BTC: variants seen among roughly 807,000 people sequenced by gnomAD.
BTC encodes the protein probetacellulin.
BTC carries 13 observed loss-of-function variants against 18.1 expected under a neutral mutation model. That is an observed-to-expected ratio of 0.72 (90% CI 0.47 to 1.14). The LOEUF (loss-of-function observed/expected upper bound fraction) is 1.14, where lower values mean the gene tolerates loss of function less well. BTC is among the 50% of genes most tolerant of loss of function. The pLI, the probability that BTC is intolerant of heterozygous loss-of-function variation, is 0.00. For synonymous variants in BTC, 83 were observed against 79.4 expected (o/e 1.05, Z -0.24); for missense variants, 247 against 224.2 (o/e 1.10, Z -0.65).
intron 1 of BTC, among the ~76,000 whole-genome samples, chr4:74,783,497 C>T (rs369419457): frequency 2.1e-4 from 32 of 150,986 alleles, no homozygotes; most frequent in Admixed American, 4.0e-4. Flanking sequence ...GTTTTGGTTA[C>T]GGTAGCCCTG....
chr4:74,747,550 GTA>G (rs1400665751), intron 5 of BTC, among the ~76,000 whole-genome samples: 1 of 152,106 alleles, frequency 6.6e-6, no homozygotes, highest in Non-Finnish European at 1.5e-5. Flanking sequence ...GGGAGACTCA[GTA>G]TACCTTTTCT....
At chr4:74,755,735 C>G in intron 3 of BTC, 124 bp downstream of exon 3, 1 of 864,428 alleles carries the variant, frequency 1.2e-6, no homozygotes, top group Non-Finnish European at 1.8e-6. Flanking sequence ...TGGCTGGGGG[C>G]AGGACCAGGC....
intron 1 of BTC, among the ~76,000 whole-genome samples, chr4:74,785,077 C>A (rs886215504): frequency 1.3e-5 from 2 of 152,010 alleles, no homozygotes; most frequent in Non-Finnish European, 2.9e-5. Flanking sequence ...GGTTGGTAGG[C>A]TATTGATTAC....
Position 74,745,435 on chromosome 4 carries a change from T to C in BTC, c.*1242A>G, listed in dbSNP as rs1724264658. ...GACAGGCACAAGTTGGGGGGCATCT[T>C]CCATCGATTTTTGTAAGTGAACCAC... On this transcript the variant is annotated 3_prime_UTR_variant, in exon 6 of 6. Coordinates refer to ENST00000395743, the MANE Select transcript of BTC (RefSeq NM_001729.4). 6.6e-6 allele frequency: 1 copy of C among 152,224 alleles called. No individual in the cohort carries two copies. Among genetic ancestry groups the C allele is most frequent in the Non-Finnish European group, 1.5e-5 (1 of 68,036 alleles). 9.4% of individuals were successfully genotyped at this position (152,224 alleles called of 1,614,324 possible).
intron 1 of BTC, among the ~76,000 whole-genome samples, chr4:74,782,402 A>G (rs1725355401): frequency 6.6e-6 from 1 of 152,058 alleles, no homozygotes; most frequent in Non-Finnish European, 1.5e-5. Context: ...ATGGCTTCCA[A>G]CTTTTTCATG....
intron 1 of BTC, among the ~76,000 whole-genome samples, chr4:74,776,790 A>G (rs1264745988): frequency 6.6e-6 from 1 of 152,184 alleles, no homozygotes; most frequent in Non-Finnish European, 1.5e-5. Context: ...CCATTTTTAG[A>G]GCCAAGTGCA....
intron 1 of BTC, among the ~76,000 whole-genome samples, chr4:74,771,035 C>T (rs942917396): frequency 3.3e-5 from 5 of 151,608 alleles, no homozygotes; most frequent in African/African-American, 1.2e-4. Context: ...GACGAAAAGG[C>T]ATGGATGAAA....
At chr4:74,769,416 T>C (rs1357626394) in intron 2 of BTC, among the ~76,000 whole-genome samples, 2 of 152,130 alleles carry the variant, frequency 1.3e-5, no homozygotes, top group Non-Finnish European at 2.9e-5. Flanking sequence ...GCCAAGCCTA[T>C]TCATTTGCAT....
chr4:74,765,410 A>C (rs2109894966), intron 2 of BTC, among the ~76,000 whole-genome samples: 1 of 152,290 alleles, frequency 6.6e-6, no homozygotes, highest in African/African-American at 2.4e-5. Flanking sequence ...ACTTAAAGAC[A>C]GATAATTGGA....
intron 1 of BTC, among the ~76,000 whole-genome samples, chr4:74,772,822 C>A (rs1030139469): frequency 7.2e-5 from 11 of 152,174 alleles, no homozygotes; most frequent in African/African-American, 2.4e-4. Context: ...TTCTCACTAT[C>A]ACTTATAATT....
chr4:74,769,882 A>G (rs1724993786), intron 2 of BTC, among the ~76,000 whole-genome samples, 176 bp downstream of exon 2: 1 of 152,152 alleles, frequency 6.6e-6, no homozygotes, highest in Admixed American at 6.6e-5. Flanking sequence ...AATAAAATAA[A>G]AAATATTATC....
chr4:74,759,684 T>A (rs145022632), intron 2 of BTC, among the ~76,000 whole-genome samples: 3 of 150,498 alleles, frequency 2.0e-5, no homozygotes, highest in Admixed American at 1.3e-4. Flanking sequence ...ACCTTTAGGG[T>A]TACTGCACGT....
At chr4:74,772,607 T>G (rs1195392214) in intron 1 of BTC, among the ~76,000 whole-genome samples, 2 of 151,654 alleles carry the variant, frequency 1.3e-5, no homozygotes. Flanking sequence ...TGGGCTTTCT[T>G]CATGGGCAGT....
At chr4:74,788,182 C>A (rs764683800) in intron 1 of BTC, among the ~76,000 whole-genome samples, 2 of 152,170 alleles carry the variant, frequency 1.3e-5, no homozygotes, top group Non-Finnish European at 2.9e-5. Context: ...GACTAATGCC[C>A]TCATTTTGGA....
At chr4:74,786,616 T>C (rs28428724) in intron 1 of BTC, among the ~76,000 whole-genome samples, 26,918 of 152,182 alleles carry the variant, frequency 0.18, 3,919 homozygotes, top group African/African-American at 0.41. Context: ...AAAACAATTC[T>C]AATCACACAA....
At chr4:74,754,896 C>T (rs945142866) in intron 3 of BTC, among the ~76,000 whole-genome samples, 13 of 150,680 alleles carry the variant, frequency 8.6e-5, no homozygotes, top group Non-Finnish European at 1.9e-4. Flanking sequence ...AGCCAGGGAG[C>T]AATTAAATGA....
chr4:74,758,211 A>G (rs2109886712), intron 2 of BTC, among the ~76,000 whole-genome samples: 1 of 152,360 alleles, frequency 6.6e-6, no homozygotes, highest in East Asian at 1.9e-4. Flanking sequence ...GGGAACAGCA[A>G]AGAATGGCTG....
At chr4:74,784,465 A>C (rs527878110) in intron 1 of BTC, among the ~76,000 whole-genome samples, 1 of 152,040 alleles carries the variant, frequency 6.6e-6, no homozygotes, top group Admixed American at 6.6e-5. Context: ...TACTATGTTG[A>C]GTAGGAGTGG....
intron 1 of BTC, among the ~76,000 whole-genome samples, chr4:74,777,124 T>C (rs1298101625): frequency 2.0e-5 from 3 of 152,168 alleles, no homozygotes; most frequent in African/African-American, 7.2e-5. Flanking sequence ...TAGGGTCAGA[T>C]GGAGCTGTTT....
Sources: allele counts gnomAD v4.1 joint callset (sites outside exome capture counted in the v4.1 genomes callset), GRCh38; gene constraint gnomAD v4.1.1; transcripts MANE v1.5; gene names NCBI Gene and HGNC (gene_info 2026-07-23, HGNC 2026-07-21).